The following PUM2 variants were observed in gnomAD, a reference collection of about 807,000 sequenced individuals.
PUM2 encodes the protein pumilio RNA binding family member 2, also known as pumilio homolog 2.
Under a neutral mutation model 124.5 loss-of-function variants are expected in PUM2, and 57 were observed. The ratio of observed to expected loss-of-function variants is 0.46; its 90% confidence interval spans 0.37 to 0.57. PUM2 has a LOEUF of 0.57. Among genes scored for constraint, PUM2 ranks in the 20% least tolerant of loss-of-function variants. The pLI is 0.00. For synonymous variants in PUM2, 460 were observed against 446.1 expected (o/e 1.03, Z -0.39); for missense variants, 1,065 against 1,290.6 (o/e 0.83, Z 2.68).
chr2:20,338,234 T>C lies in PUM2; in HGVS notation c.-18-10856A>G, dbSNP rs539319534. Among the ~76,000 whole-genome samples the C allele has an allele frequency of 4.1e-4, 63 of 152,156 alleles. No homozygotes were observed. The East Asian group carries it at 9.5e-3, about 23-fold the overall frequency. On this transcript the variant is annotated intron_variant, in intron 1 of 20. Coordinates refer to ENST00000361078, the MANE Select transcript of PUM2 (RefSeq NM_015317.5). ...CAACATGGTAAAACCCTGTCTCTAC[T>C]ACAAACACAAAAATTAGCCGGGTAT...
intron 2 of PUM2, among the ~76,000 whole-genome samples, chr2:20,322,671 C>T (rs1339798289): frequency 1.3e-5 from 2 of 152,188 alleles, no homozygotes; most frequent in East Asian, 1.9e-4. Context: ...GGCGTGGTGG[C>T]GTGCACCTGC....
intron 12 of PUM2, among the ~76,000 whole-genome samples, chr2:20,282,199 C>T (rs1386380522): frequency 6.6e-6 from 1 of 152,212 alleles, no homozygotes; most frequent in East Asian, 1.9e-4. Flanking sequence ...AGTGTATCAA[C>T]AAGAAGTCAA....
intron 10 of PUM2, among the ~76,000 whole-genome samples, chr2:20,289,341 A>T (rs2148098701): frequency 6.6e-6 from 1 of 152,302 alleles, no homozygotes; most frequent in East Asian, 1.9e-4. Flanking sequence ...TCCGTTCTAC[A>T]TATAGCTAAA....
intron 2 of PUM2, among the ~76,000 whole-genome samples, chr2:20,321,022 G>A (rs1434367833): frequency 1.3e-5 from 2 of 152,120 alleles, no homozygotes; most frequent in African/African-American, 2.4e-5. Flanking sequence ...ATTTATCACA[G>A]ACAAAGAAGT....
intron 7 of PUM2, among the ~76,000 whole-genome samples, chr2:20,305,211 G>A (rs1285321260): frequency 6.6e-6 from 1 of 152,050 alleles, no homozygotes; most frequent in African/African-American, 2.4e-5. Flanking sequence ...ATGGCTGGGC[G>A]CAGTGGCTCA....
chr2:20,282,861 A>G, intron 12 of PUM2, 86 bp downstream of exon 12: 1 of 1,372,286 alleles, frequency 7.3e-7, no homozygotes, highest in South Asian at 1.4e-5. Flanking sequence ...CCTATCCTAC[A>G]TGCTATTATT....
chr2:20,299,047 A>G (rs1231175901), intron 7 of PUM2, among the ~76,000 whole-genome samples: 1 of 152,162 alleles, frequency 6.6e-6, no homozygotes, highest in Non-Finnish European at 1.5e-5. Flanking sequence ...AGTATCTTTC[A>G]TAATAAACCA....
At chr2:20,302,375 A>T (rs1179659690) in intron 7 of PUM2, among the ~76,000 whole-genome samples, 1 of 152,238 alleles carries the variant, frequency 6.6e-6, no homozygotes, top group Non-Finnish European at 1.5e-5. Context: ...TAAATTAAAA[A>T]ATTTTTTAAA....
At chr2:20,337,969 C>A (rs1256272622) in intron 1 of PUM2, among the ~76,000 whole-genome samples, 1 of 152,130 alleles carries the variant, frequency 6.6e-6, no homozygotes, top group Non-Finnish European at 1.5e-5. Context: ...AATAGGAAAA[C>A]TGGCCACAAT....
chr2:20,283,714 C>T (rs959064123), intron 10 of PUM2, among the ~76,000 whole-genome samples: 1 of 151,618 alleles, frequency 6.6e-6, no homozygotes, highest in East Asian at 1.9e-4. Flanking sequence ...TACTCAGGGG[C>T]CACAAAATGA....
At chr2:20,264,788 A>G (rs952243055) in intron 13 of PUM2, among the ~76,000 whole-genome samples, 10 of 152,190 alleles carry the variant, frequency 6.6e-5, no homozygotes, top group Non-Finnish European at 1.5e-4. Flanking sequence ...GTCAGTGCAA[A>G]GCTATACGGA....
intron 8 of PUM2, among the ~76,000 whole-genome samples, chr2:20,295,944 T>C (rs1218499957): frequency 2.6e-5 from 4 of 152,184 alleles, no homozygotes; most frequent in Non-Finnish European, 4.4e-5. Context: ...CCAAAATACA[T>C]AGAATGCTTA....
chr2:20,306,725 A>C (rs1678412810), intron 7 of PUM2, among the ~76,000 whole-genome samples: 1 of 150,546 alleles, frequency 6.6e-6, no homozygotes, highest in South Asian at 2.1e-4. Flanking sequence ...TCTCTGCCTC[A>C]GACACCCAAG....
At chr2:20,312,973 C>T (rs889702018) in intron 3 of PUM2, among the ~76,000 whole-genome samples, 19 of 152,210 alleles carry the variant, frequency 1.2e-4, no homozygotes, top group African/African-American at 4.3e-4. Flanking sequence ...AAAGGATTCC[C>T]TATTTAATAA....
intron 1 of PUM2, among the ~76,000 whole-genome samples, chr2:20,333,788 C>T (rs979407303): frequency 2.0e-5 from 3 of 152,088 alleles, no homozygotes; most frequent in Non-Finnish European, 2.9e-5. Flanking sequence ...CATGTCAAAA[C>T]GTAAACCCCA....
intron 13 of PUM2, among the ~76,000 whole-genome samples, chr2:20,274,723 T>A (rs571490030): frequency 1.3e-5 from 2 of 151,868 alleles, no homozygotes; most frequent in South Asian, 4.2e-4. Flanking sequence ...CGTTAGTTTG[T>A]CAAAACCTAA....
chr2:20,281,139 C>T (rs1449479549), intron 12 of PUM2, among the ~76,000 whole-genome samples: 2 of 152,060 alleles, frequency 1.3e-5, no homozygotes, highest in Non-Finnish European at 2.9e-5. Context: ...CCACAAAATG[C>T]CCAAGAGGAG....
At chr2:20,289,167 C>G (rs1439526848) in intron 10 of PUM2, among the ~76,000 whole-genome samples, 1 of 151,868 alleles carries the variant, frequency 6.6e-6, no homozygotes, top group Non-Finnish European at 1.5e-5. Context: ...TGTGGTGGCA[C>G]GTGCCTAAGA....
intron 13 of PUM2, among the ~76,000 whole-genome samples, chr2:20,263,677 A>G (rs1028891224): frequency 1.3e-5 from 2 of 152,216 alleles, no homozygotes; most frequent in Non-Finnish European, 2.9e-5. Context: ...GAGAAAAATA[A>G]GTGTGTATTT....
Sources: gnomAD v4.1 joint callset for allele counts (sites outside exome capture counted in the v4.1 genomes callset) on GRCh38, gnomAD v4.1.1 for gene constraint, MANE v1.5 for transcripts, NCBI Gene and HGNC (gene_info 2026-07-23, HGNC 2026-07-21) for gene names.